Variants in ARHGEF10 observed in about 807,000 individuals in gnomAD.
ARHGEF10 encodes Rho guanine nucleotide exchange factor (GEF) 10.
Under a neutral mutation model 147.4 loss-of-function variants are expected in ARHGEF10, and 140 were observed. The ratio of observed to expected loss-of-function variants is 0.95; its 90% CI spans 0.83 to 1.09. ARHGEF10 has a LOEUF of 1.09. ARHGEF10 is among the 50% of genes least tolerant of loss of function. The probability of loss-of-function intolerance (pLI) is 0.00; values close to 1 mark genes in which losing one functional copy is unlikely to be tolerated. For missense variants in ARHGEF10, 2,222 were observed against 1,752.7 expected, an observed-to-expected ratio of 1.27 and a Z score of -4.78; for synonymous variants, 902 against 695.8, an observed-to-expected ratio of 1.30 and a Z score of -4.67.
rs113155150 is a variant in ARHGEF10, at chr8:1,863,553, G to A, written c.482-820G>A. Among the ~76,000 whole-genome samples, 710 of 152,294 alleles carry A rather than the reference G, an allele frequency of 4.7e-3. 8 individuals are homozygous for A. Among genetic ancestry groups the A allele is most frequent in the African/African-American group, 0.016 (664 of 41,566 alleles). The stretch of plus-strand genomic sequence containing the variant: ...GCTCTCCTTCCCCACATCATTCTTG[G>A]TGCCACGCGGCTGGGCGGTGGCAGA... On this transcript the variant is annotated intron_variant, in intron 4 of 28. Transcript: ENST00000349830.
intron 26 of ARHGEF10, among the ~76,000 whole-genome samples, chr8:1,939,967 G>T (rs528274729): frequency 3.3e-5 from 5 of 152,300 alleles, no homozygotes; most frequent in South Asian, 2.1e-4. Context: ...GGTTTTCAGC[G>T]TGGAACAGAT....
chr8:1,847,306 C>T (rs1804635025), intron 2 of ARHGEF10, among the ~76,000 whole-genome samples: 1 of 152,170 alleles, frequency 6.6e-6, no homozygotes, highest in African/African-American at 2.4e-5. Flanking sequence ...GACAAGTTAG[C>T]ATTTATGAAG....
chr8:1,836,948 A>G (rs1344229342), intron 1 of ARHGEF10, among the ~76,000 whole-genome samples: 4 of 151,880 alleles, frequency 2.6e-5, no homozygotes, highest in Non-Finnish European at 5.9e-5. Context: ...AGTGCCTTTC[A>G]CCTCCCACAA....
chr8:1,881,231 C>T (rs927976738), intron 9 of ARHGEF10, among the ~76,000 whole-genome samples: 6 of 150,854 alleles, frequency 4.0e-5, no homozygotes, highest in Non-Finnish European at 7.4e-5. Flanking sequence ...CCCTGAGATC[C>T]GGGAGTCCTG....
intron 2 of ARHGEF10, among the ~76,000 whole-genome samples, chr8:1,853,546 G>C (rs1805312572): frequency 6.6e-6 from 1 of 152,272 alleles, no homozygotes; most frequent in African/African-American, 2.4e-5. Context: ...GGGTTCTGAA[G>C]CTGGGGTTTT....
chr8:1,950,084 G>A (rs1355562641), intron 27 of ARHGEF10, among the ~76,000 whole-genome samples: 1 of 152,160 alleles, frequency 6.6e-6, no homozygotes, highest in African/African-American at 2.4e-5. Flanking sequence ...CCGCTCAAGT[G>A]CAGTCAGTCC....
chr8:1,888,072 TTA>T lies in ARHGEF10; in HGVS notation c.1182+2367_1182+2368del, dbSNP rs1808858976. Among the ~76,000 whole-genome samples, 6 of 136,378 alleles carry T rather than the reference TTA, an allele frequency of 4.4e-5. No homozygotes were observed. The East Asian group carries it at 1.1e-3, about 26-fold the overall frequency. The allele number at this position is 136,378 out of a possible 152,430, so 89.5% of individuals were successfully genotyped here. ...AGGAGACAGTGAGTGGGATGAGGGT[TTA>T]TGAGGAGACACTAGGTAGGGTGAAT... On this transcript the variant is annotated intron_variant, in intron 11 of 28. Transcript: ENST00000349830.
At chr8:1,912,058 C>G (rs1023426790) in intron 18 of ARHGEF10, among the ~76,000 whole-genome samples, 1 of 152,198 alleles carries the variant, frequency 6.6e-6, no homozygotes, top group Non-Finnish European at 1.5e-5. Context: ...TTGATATTGA[C>G]AGAGTGTAGG....
At chr8:1,950,377 T>C (rs1262779987) in intron 27 of ARHGEF10, among the ~76,000 whole-genome samples, 1 of 152,170 alleles carries the variant, frequency 6.6e-6, no homozygotes, top group Non-Finnish European at 1.5e-5. Context: ...CCATGTAAAA[T>C]TAAAGATGTT....
At chr8:1,866,956 T>G (rs1324171495) in intron 6 of ARHGEF10, among the ~76,000 whole-genome samples, 1 of 151,504 alleles carries the variant, frequency 6.6e-6, no homozygotes, top group Non-Finnish European at 1.5e-5. Flanking sequence ...CGCTTGCCTG[T>G]GATTCCCAGG....
At chr8:1,846,178 C>T (rs192129044) in intron 2 of ARHGEF10, among the ~76,000 whole-genome samples, 18 of 152,378 alleles carry the variant, frequency 1.2e-4, no homozygotes, top group South Asian at 2.1e-4. Context: ...GCTGAGGAGC[C>T]GCCCAGCCCT....
At position 1,889,768 on chromosome 8, in the gene ARHGEF10, GAGACACTGAGTGGGGTGAGGGTTGTGAGC is replaced by G. The variant is rs1420465875; in HGVS notation, c.1183-3793_1183-3765del. Among the ~76,000 whole-genome samples, 12 of 137,276 alleles carry G rather than the reference GAGACACTGAGTGGGGTGAGGGTTGTGAGC, an allele frequency of 8.7e-5. 2 individuals carry two copies. Among genetic ancestry groups the G allele is most frequent in the East Asian group, 6.6e-4 (3 of 4,550 alleles). 90.1% of individuals were successfully genotyped at this position (137,276 alleles called of 152,430 possible). A position where few individuals can be genotyped will look rare whatever the true frequency, so the allele number is the denominator to read the frequency against. ...CATTGAGTGGGATGAGGGTTGTGAGGAGACACTGAGTGGGGTGAGGGTTGTGAGCAGACACTTCATGGGAGGAGGGTTTG... is the reference window on the plus strand; with the variant it reads ...CATTGAGTGGGATGAGGGTTGTGAGGAGACACTTCATGGGAGGAGGGTTTG... On this transcript the variant is annotated intron_variant, in intron 11 of 28. Coordinates refer to ENST00000349830, the MANE Select transcript of ARHGEF10 (RefSeq NM_014629.4).
intron 4 of ARHGEF10, among the ~76,000 whole-genome samples, chr8:1,862,041 C>T (rs971514322): frequency 3.3e-5 from 5 of 152,168 alleles, no homozygotes; most frequent in South Asian, 4.1e-4. Flanking sequence ...TTTTAAGTCC[C>T]GGAGTAGAGG....
chr8:1,826,685 G>A (rs1299577476), intron 1 of ARHGEF10, among the ~76,000 whole-genome samples: 2 of 152,226 alleles, frequency 1.3e-5, no homozygotes, highest in African/African-American at 4.8e-5. Context: ...TATTCTGTAA[G>A]CGATGTGAAA....
intron 25 of ARHGEF10, among the ~76,000 whole-genome samples, chr8:1,930,267 G>A (rs542826203): frequency 1.3e-5 from 2 of 152,088 alleles, no homozygotes; most frequent in East Asian, 1.9e-4. Context: ...GGCCGGGAGC[G>A]ACGCCTTGGC....
intron 26 of ARHGEF10, among the ~76,000 whole-genome samples, chr8:1,940,321 A>G (rs1212982203): frequency 6.6e-6 from 1 of 152,214 alleles, no homozygotes; most frequent in Non-Finnish European, 1.5e-5. Flanking sequence ...ACCAGCTATG[A>G]TGGAGACTTG....
intron 28 of ARHGEF10, among the ~76,000 whole-genome samples, chr8:1,954,313 C>T (rs796153643): frequency 2.7e-4 from 41 of 152,134 alleles, no homozygotes; most frequent in African/African-American, 9.2e-4. Flanking sequence ...AGGCTGGTCT[C>T]GAACTCCTGA....
chr8:1,853,288 G>C (rs1335209093), intron 2 of ARHGEF10, among the ~76,000 whole-genome samples: 4 of 152,196 alleles, frequency 2.6e-5, no homozygotes, highest in African/African-American at 9.6e-5. Flanking sequence ...TGCCTACCCA[G>C]AGCGCCGGGC....
chr8:1,905,847 G>T, intron 17 of ARHGEF10, 131 bp downstream of exon 17: 1 of 1,147,960 alleles, frequency 8.7e-7, no homozygotes, highest in South Asian at 1.3e-5. Context: ...TCTGTCCTGT[G>T]ACTAAGGGAA....
Sources: gnomAD v4.1 joint callset for allele counts (sites outside exome capture counted in the v4.1 genomes callset) on GRCh38, gnomAD v4.1.1 for gene constraint, MANE v1.5 for transcripts, NCBI Gene and HGNC (gene_info 2026-07-23, HGNC 2026-07-21) for gene names.